Variants in RYR1 observed in about 807,000 individuals in gnomAD.
RYR1 encodes the protein ryanodine receptor 1, also known as central core disease of muscle.
In RYR1, 342 loss-of-function variants were observed where a neutral mutation model predicts 583.5. The observed-to-expected ratio is 0.59, with a 90% confidence interval of 0.54 to 0.64. RYR1 has a LOEUF of 0.64. Ranked by LOEUF, RYR1 falls within the 30% of genes least tolerant of loss-of-function variation. The probability of loss-of-function intolerance (pLI) is 0.00; values close to 1 mark genes in which losing one functional copy is unlikely to be tolerated. For missense variants in RYR1, 6,032 were observed against 6,917.2 expected (o/e 0.87, Z 4.54); for synonymous variants, 2,791 against 2,822.5 (o/e 0.99, Z 0.35).
chr19:38,440,575 G>GGCTTGTATC (rs1972623670), intron 1 of RYR1, among the ~76,000 whole-genome samples, 170 bp from the exon 2 acceptor site: 1 of 152,194 alleles, frequency 6.6e-6, no homozygotes, highest in African/African-American at 2.4e-5. Context: ...GGATGATGCT[G>GGCTTGTATC]GCTTGTATCT....
chr19:38,478,524 T>C lies in RYR1; in HGVS notation c.4544T>C (p.Ile1515Thr), dbSNP rs1266507067. The change falls in exon 31 of 106, where the codon ATT becomes ACT. Residue 1515 changes from isoleucine (I) to threonine (T), a missense_variant. Ile to Thr is a moderately conservative substitution (Grantham distance 89, BLOSUM62 -1). This residue lies in a region of RYR1 where 2,627 missense variants were observed against 2,961.3 expected (regional missense o/e 0.89). Transcript: ENST00000359596. ...CGGATCAGCCACACGGACCTTGTCA[T>C]TGGGTGCCTGGTGGACTTGGCCACT... ...QGRISHTDLV[I>T]GCLVDLATGL... 3 of 1,614,124 alleles carry C rather than the reference T, an allele frequency of 1.9e-6. No individual in the cohort carries two copies. Among genetic ancestry groups the C allele is most frequent in the South Asian group, 1.1e-5 (1 of 91,086 alleles).
chr19:38,433,988 T>C, intron 1 of RYR1, 114 bp downstream of exon 1: 1 of 875,056 alleles, frequency 1.1e-6, no homozygotes, highest in Non-Finnish European at 2.0e-6. Context: ...ACTCGAGGTC[T>C]CTTCCTATGT....
intron 25 of RYR1, among the ~76,000 whole-genome samples, chr19:38,468,262 C>T (rs1161399258): frequency 6.6e-6 from 1 of 152,052 alleles, no homozygotes; most frequent in Non-Finnish European, 1.5e-5. Flanking sequence ...GACCAGCCAA[C>T]CATGCATCCA....
Position 38,561,140 on chromosome 19 carries a change from G to C in RYR1, c.12310G>C (p.Gly4104Arg), listed in dbSNP as rs769120898. The change falls in exon 90 of 106, where the codon GGT (glycine) becomes CGT (arginine). Residue 4104 changes from glycine to arginine, a missense_variant. Transcript: ENST00000359596. This position sits in a 1 kb window ranked among gnomAD's most constrained non-coding sequence, Gnocchi z 4.8. ...KAMDSQKQFS[G>R]PEIQFLLSCS... ...CATGGACAGCCAGAAGCAGTTCAGC[G>C]GTCCAGAAATCCAGTTCCTGCTTTC... is the stretch of plus-strand genomic sequence containing the variant. The C allele has an allele frequency of 2.5e-6, 4 of 1,613,924 alleles. No homozygotes were observed. The highest frequency in any genetic ancestry group is 3.4e-6 in the Non-Finnish European group (4 of 1,180,022).
At position 38,517,612 on chromosome 19, in the gene RYR1, C is replaced by T. The variant is rs1177939773; in HGVS notation, c.9939C>T (p.Asn3313=). Residue 3313 remains asparagine, a synonymous_variant, in exon 66 of 106, where the codon AAC becomes AAT. Transcript: ENST00000359596. ...CAGCTGTCACCTCTGACCACCTCAA[C>T]TCCCTGCTGGGGAATATCCTGAGAA... ...PCTAVTSDHL[N]SLLGNILRII... The T allele has an allele frequency of 1.2e-6, 2 of 1,614,220 alleles. No individual in the cohort carries two copies. Among genetic ancestry groups the T allele is most frequent in the Non-Finnish European group, 1.7e-6 (2 of 1,180,038 alleles).
chr19:38,527,065 C>T lies in RYR1; in HGVS notation c.10686+13C>T, dbSNP rs1161740071. 1 of 1,613,698 alleles carries T rather than the reference C, an allele frequency of 6.2e-7. No individual in the cohort carries two copies. Among genetic ancestry groups the T allele is most frequent in the East Asian group, 2.2e-5 (1 of 44,866 alleles). On this transcript the variant is annotated intron_variant, in intron 72 of 105. Coordinates refer to ENST00000359596, the MANE Select transcript of RYR1 (RefSeq NM_000540.3). Reference sequence around the variant, plus strand: ...CCTTCAGGGAAAGGTATGCCTCCTTCCTCTGCAAGCAAAAGAAGCAAGTCA... The same window carrying T: ...CCTTCAGGGAAAGGTATGCCTCCTTTCTCTGCAAGCAAAAGAAGCAAGTCA...
chr19:38,452,916 A>T lies in RYR1; in HGVS notation c.1342A>T (p.Ile448Phe), dbSNP rs911417327. ...CGTTATCCTGAGCCTGCAGGACCTC[A>T]TCATCTACTTCGAGCCTCCCTCCGA... The part of the protein sequence containing the change: ...EGVILSLQDL[I>F]IYFEPPSEDL... The change falls in exon 13 of 106, where the codon ATC becomes TTC. Residue 448 changes from isoleucine to phenylalanine, a missense_variant. This residue lies in a region of RYR1 where 2,627 missense variants were observed against 2,961.3 expected (regional missense o/e 0.89). Coordinates refer to ENST00000359596, the MANE Select transcript of RYR1 (RefSeq NM_000540.3). The T allele has an allele frequency of 4.3e-6, 7 of 1,613,844 alleles. No homozygotes were observed. Among genetic ancestry groups the T allele is most frequent in the Non-Finnish European group, 1.7e-6 (2 of 1,179,824 alleles).
intron 69 of RYR1, chr19:38,523,543 C>T: frequency 1.6e-6 from 1 of 613,464 alleles, no homozygotes; most frequent in Non-Finnish European, 2.9e-6. Flanking sequence ...CTTCTCTCAT[C>T]TCTGTCTCCT....
At chr19:38,564,656 C>A (rs908106609) in intron 90 of RYR1, among the ~76,000 whole-genome samples, 4 of 151,988 alleles carry the variant, frequency 2.6e-5, no homozygotes, top group Non-Finnish European at 4.4e-5. Context: ...TAACGGATTA[C>A]AGGGGTGCGC....
At position 38,561,123 on chromosome 19, in the gene RYR1, G is replaced by C; in HGVS notation, c.12293G>C (p.Ser4098Thr). ...SKKDFQKAMD[S>T]QKQFSGPEIQ... ...CCTGCCCGCCCCCAGGCCATGGACA[G>C]CCAGAAGCAGTTCAGCGGTCCAGAA... The change falls in exon 90 of 106, where the codon AGC (serine) becomes ACC (threonine). Residue 4098 changes from serine to threonine, a missense_variant. By Grantham distance (58) the Ser-to-Thr change is moderately conservative (BLOSUM62 1). Around this residue, in one of 11 missense-constraint regions of RYR1, gnomAD observed 753 missense variants for 759.6 expected, o/e 0.99. Coordinates refer to ENST00000359596, the MANE Select transcript of RYR1 (RefSeq NM_000540.3). This position sits in a 1 kb window ranked among gnomAD's most constrained non-coding sequence, Gnocchi z 4.8. 6.2e-7 allele frequency: 1 copy of C among 1,613,908 alleles called. No individual in the cohort carries two copies. Among genetic ancestry groups the C allele is most frequent in the South Asian group, 1.1e-5 (1 of 91,064 alleles).
At chr19:38,502,172 G>A (rs1211617101) in intron 47 of RYR1, among the ~76,000 whole-genome samples, 1 of 152,028 alleles carries the variant, frequency 6.6e-6, no homozygotes. Context: ...GAAAAAGAAT[G>A]TATTACAGGA....
rs1972862062 is a variant in RYR1 at position 38,444,829 on chromosome 19, C to T, written c.631+152C>T. On this transcript the variant is annotated intron_variant, in intron 7 of 105. Coordinates refer to ENST00000359596, the MANE Select transcript of RYR1 (RefSeq NM_000540.3). The surrounding 1 kb of genome is among the most constrained non-coding windows in gnomAD (Gnocchi z 5.1). ...TCTCACACTTAGATCTCCAGCTGAC[C>T]CCAAATCCAGACCCCCAGAGCTCAG... The T allele has an allele frequency of 1.6e-6, 1 of 642,134 alleles. No individual in the cohort carries two copies. The highest frequency in any genetic ancestry group is 2.8e-6 in the Non-Finnish European group (1 of 356,494). The allele number at this position is 642,134 out of a possible 1,614,324, so 39.8% of individuals were successfully genotyped here. A position where few individuals can be genotyped will look rare whatever the true frequency, so the allele number is the denominator to read the frequency against.
At chr19:38,541,838 T>G (rs1222097847) in intron 84 of RYR1, among the ~76,000 whole-genome samples, 2 of 151,868 alleles carry the variant, frequency 1.3e-5, no homozygotes, top group Non-Finnish European at 1.5e-5. Context: ...ATCCCAGCAC[T>G]ATGGGAGGTC....
At position 38,565,569 on chromosome 19, in the gene RYR1, C is replaced by G. The variant is rs1424972002; in HGVS notation, c.13235C>G (p.Ala4412Gly). 7 of 1,475,402 alleles carry G rather than the reference C, an allele frequency of 4.7e-6. No individual in the cohort carries two copies. The African/African-American group carries it at 7.3e-5, about 15-fold the overall frequency. The allele number at this position is 1,475,402 out of a possible 1,614,324, so 91.4% of individuals were successfully genotyped here. The change falls in exon 91 of 106, where the codon GCT (alanine) becomes GGT (glycine). Residue 4412 changes from alanine (A) to glycine (G), a missense_variant. By Grantham distance (60) the Ala-to-Gly change is moderately conservative. Coordinates refer to ENST00000359596, the MANE Select transcript of RYR1 (RefSeq NM_000540.3). This position sits in a 1 kb window ranked among gnomAD's most constrained non-coding sequence, Gnocchi z 4.7. ...DADGEGASEG[A>G]GDAAEGAGDE... ...GACGGCGAGGGTGCCAGCGAGGGCGCTGGAGACGCCGCGGAGGGCGCTGGA... is the reference window on the plus strand; with the variant it reads ...GACGGCGAGGGTGCCAGCGAGGGCGGTGGAGACGCCGCGGAGGGCGCTGGA...
In RYR1 at chr19:38,519,460, C is replaced by CG. The variant is rs1971125379; in HGVS notation, c.10259+10dup. The CG allele has an allele frequency of 1.3e-6, 2 of 1,587,472 alleles. No homozygotes were observed. Among genetic ancestry groups the CG allele is most frequent in the South Asian group, 2.3e-5 (2 of 87,552 alleles). ...CGCTACGTGGACAACAACAGGTCAG[C>CG]GGGGCCCCGCTGTCCCCATGCCCTC... On this transcript the variant is annotated splice_region_variant and intron_variant, in intron 67 of 105. Coordinates refer to ENST00000359596, the MANE Select transcript of RYR1 (RefSeq NM_000540.3).
chr19:38,555,999 G>A (rs144680531), intron 89 of RYR1, among the ~76,000 whole-genome samples: 3 of 152,012 alleles, frequency 2.0e-5, no homozygotes, highest in African/African-American at 7.2e-5. Context: ...GAGTAGCTGG[G>A]ATTACAGGCA....
At chr19:38,487,690 A>G (rs376003290) in intron 34 of RYR1, among the ~76,000 whole-genome samples, 20 of 152,154 alleles carry the variant, frequency 1.3e-4, no homozygotes, top group African/African-American at 4.8e-4. Context: ...CTGGAGTGCA[A>G]TGGCACAATA....
intron 1 of RYR1, among the ~76,000 whole-genome samples, chr19:38,437,488 C>A (rs1211256790): frequency 6.6e-6 from 1 of 152,032 alleles, no homozygotes; most frequent in East Asian, 1.9e-4. Flanking sequence ...TCTCTCTGAG[C>A]CTCAGTGTTC....
intron 29 of RYR1, among the ~76,000 whole-genome samples, chr19:38,476,595 A>G (rs1490557116): frequency 6.6e-6 from 1 of 152,124 alleles, no homozygotes; most frequent in African/African-American, 2.4e-5. Context: ...AGACTCCCAA[A>G]GTACTGGGAT....
Sources: allele counts gnomAD v4.1 joint callset (sites outside exome capture counted in the v4.1 genomes callset), GRCh38; gene constraint gnomAD v4.1.1; regional missense constraint gnomAD v4.1.1; non-coding constraint Gnocchi (gnomAD v3.1); transcripts MANE v1.5; gene names NCBI Gene and HGNC (gene_info 2026-07-23, HGNC 2026-07-21).